The following CTNNA2 variants were observed in gnomAD, a reference collection of about 807,000 sequenced individuals.
The protein encoded by CTNNA2 is catenin alpha 2, also known as catenin alpha-2.
Under a neutral mutation model 101.0 loss-of-function variants are expected in CTNNA2, and 42 were observed. The observed-to-expected ratio is 0.42, with a 90% CI of 0.32 to 0.54. CTNNA2 has a LOEUF of 0.54. Among genes scored for constraint, CTNNA2 ranks in the 20% least tolerant of loss-of-function variants. The pLI is 0.14. For synonymous variants in CTNNA2, 450 were observed against 456.4 expected (o/e 0.99, Z 0.18); for missense variants, 871 against 1,223.1 (o/e 0.71, Z 4.29).
intron 2 of CTNNA2, among the ~76,000 whole-genome samples, chr2:79,261,532 C>G (rs1018149822): frequency 3.3e-5 from 5 of 152,176 alleles, no homozygotes; most frequent in African/African-American, 1.2e-4. Flanking sequence ...GATCAAGGTG[C>G]CAGGAGGCTT....
intron 2 of CTNNA2, among the ~76,000 whole-genome samples, chr2:79,696,403 C>CAG (rs1329633574): frequency 6.6e-6 from 1 of 152,008 alleles, no homozygotes; most frequent in Non-Finnish European, 1.5e-5. Flanking sequence ...CTGCAACAGC[C>CAG]AGAAGACTCT....
At chr2:80,305,482 C>T (rs78743271) in intron 7 of CTNNA2, among the ~76,000 whole-genome samples, 11,542 of 151,962 alleles carry the variant, frequency 0.076, 595 homozygotes, top group East Asian at 0.13. Context: ...TTACTGGGCC[C>T]TGCAGTGCAC....
chr2:80,641,389 A>G (rs1158522823), intron 18 of CTNNA2, among the ~76,000 whole-genome samples: 2 of 152,180 alleles, frequency 1.3e-5, no homozygotes, highest in Non-Finnish European at 2.9e-5. Context: ...TTGAAAAAAG[A>G]CATACAATGT....
intron 8 of CTNNA2, among the ~76,000 whole-genome samples, chr2:80,402,337 T>A (rs568666534): frequency 6.6e-6 from 1 of 152,306 alleles, no homozygotes; most frequent in South Asian, 2.1e-4. Context: ...TAGGCATGAT[T>A]GATTAAGTCA....
At chr2:80,405,194 A>G (rs957425735) in intron 8 of CTNNA2, among the ~76,000 whole-genome samples, 10 of 152,186 alleles carry the variant, frequency 6.6e-5, no homozygotes, top group Admixed American at 5.2e-4. Context: ...TAAGACTGAC[A>G]GTTTTTTAGT....
intron 7 of CTNNA2, among the ~76,000 whole-genome samples, chr2:80,244,413 C>T (rs1404144491): frequency 1.3e-5 from 2 of 152,224 alleles, no homozygotes; most frequent in Non-Finnish European, 2.9e-5. Flanking sequence ...TCTCAGAACA[C>T]AAGTGCCCAT....
At chr2:79,360,211 G>A (rs1056480123) in intron 3 of CTNNA2, among the ~76,000 whole-genome samples, 5 of 152,104 alleles carry the variant, frequency 3.3e-5, no homozygotes, top group African/African-American at 1.2e-4. Context: ...TCTATCCTAC[G>A]AGTGCCATTC....
intron 7 of CTNNA2, among the ~76,000 whole-genome samples, chr2:80,113,317 T>C (rs1346054345): frequency 6.6e-6 from 1 of 152,260 alleles, no homozygotes; most frequent in Non-Finnish European, 1.5e-5. Flanking sequence ...TATTTTTAAA[T>C]GCGTTAATCA....
At chr2:79,434,748 C>T (rs994272377) in intron 4 of CTNNA2, among the ~76,000 whole-genome samples, 2 of 152,116 alleles carry the variant, frequency 1.3e-5, no homozygotes, top group African/African-American at 4.8e-5. Flanking sequence ...TACATGGGGA[C>T]CAGAAGGGAG....
At chr2:80,451,511 C>T (rs1287151148) in intron 9 of CTNNA2, among the ~76,000 whole-genome samples, 1 of 152,110 alleles carries the variant, frequency 6.6e-6, no homozygotes, top group Non-Finnish European at 1.5e-5. Flanking sequence ...TGAGAGCAGA[C>T]TAATACACTG....
At chr2:79,225,962 T>A (rs1674403520) in intron 2 of CTNNA2, among the ~76,000 whole-genome samples, 1 of 152,170 alleles carries the variant, frequency 6.6e-6, no homozygotes, top group South Asian at 2.1e-4. Context: ...TCATTTTAAA[T>A]CTTATACCAC....
chr2:80,612,963 C>T (rs1329063628), intron 17 of CTNNA2: 1 of 151,374 alleles, frequency 6.6e-6, no homozygotes, highest in African/African-American at 2.4e-5. Context: ...AAAGGACCTT[C>T]CCTTATGTAG....
intron 7 of CTNNA2, among the ~76,000 whole-genome samples, chr2:80,042,810 A>G (rs1011079284): frequency 2.0e-5 from 3 of 152,152 alleles, no homozygotes; most frequent in Non-Finnish European, 4.4e-5. Context: ...TGTTGACCTA[A>G]TTTCTCTGAC....
chr2:80,154,410 C>T (rs1324474811), intron 7 of CTNNA2, among the ~76,000 whole-genome samples: 3 of 152,128 alleles, frequency 2.0e-5, no homozygotes, highest in Non-Finnish European at 4.4e-5. Flanking sequence ...TAGCTTATCA[C>T]GGTGTGGGTT....
At chr2:79,467,862 A>G (rs1046689505) in intron 4 of CTNNA2, among the ~76,000 whole-genome samples, 4 of 152,210 alleles carry the variant, frequency 2.6e-5, no homozygotes, top group Non-Finnish European at 5.9e-5. Context: ...TTGCCCTACA[A>G]GAGCTCCTGA....
chr2:79,434,253 A>G (rs2104512646), intron 4 of CTNNA2, among the ~76,000 whole-genome samples: 1 of 150,292 alleles, frequency 6.7e-6, no homozygotes, highest in African/African-American at 2.4e-5. Flanking sequence ...AGCTATAATC[A>G]TACAGCTACA....
chr2:79,316,622 G>A (rs946947243), intron 3 of CTNNA2, among the ~76,000 whole-genome samples: 2 of 151,570 alleles, frequency 1.3e-5, no homozygotes, highest in Non-Finnish European at 3.0e-5. Flanking sequence ...CAGAGTATAA[G>A]CTTTATATTT....
At position 80,618,889 on chromosome 2, in the gene CTNNA2, G is replaced by A. The variant is rs76148910; in HGVS notation, c.2431-196G>A. 2.9e-3 allele frequency: 1,120 copies of A among 383,148 alleles called. 19 individuals carry two copies. Among genetic ancestry groups the A allele is most frequent in the African/African-American group, 0.02 (987 of 48,370 alleles). 23.7% of individuals were successfully genotyped at this position (383,148 alleles called of 1,614,324 possible). A position where few individuals can be genotyped will look rare whatever the true frequency, so the allele number is the denominator to read the frequency against. On this transcript the variant is annotated intron_variant, in intron 17 of 18. Transcript: ENST00000402739. ...TCTGTTCAAGAGCCAATGAGAAATC[G>A]AAATGGCCAGGCCGCTTAATGTCAA...
intron 1 of CTNNA2, among the ~76,000 whole-genome samples, chr2:79,518,457 G>A (rs1671923490): frequency 6.6e-6 from 1 of 152,180 alleles, no homozygotes; most frequent in Non-Finnish European, 1.5e-5. Flanking sequence ...TGCAAGTTGA[G>A]TTTATGTTGT....
Sources: gnomAD v4.1 joint callset for allele counts (sites outside exome capture counted in the v4.1 genomes callset) on GRCh38, gnomAD v4.1.1 for gene constraint, MANE v1.5 for transcripts, NCBI Gene and HGNC (gene_info 2026-07-23, HGNC 2026-07-21) for gene names.